The following DEAF1 variants were observed in gnomAD, a reference collection of about 807,000 sequenced individuals.
The protein encoded by DEAF1 is deformed epidermal autoregulatory factor 1 homolog.
In DEAF1, 53 loss-of-function variants were observed where a neutral mutation model predicts 58.9. The observed-to-expected ratio is 0.90, with a 90% CI of 0.72 to 1.13. The LOEUF (loss-of-function observed/expected upper bound fraction) is 1.13, where lower values mean the gene tolerates loss of function less well. Among genes scored for constraint, DEAF1 ranks in the 50% most tolerant of loss-of-function variants. DEAF1 has a pLI of 0.00. For synonymous variants in DEAF1, 385 were observed against 340.4 expected, an observed-to-expected ratio of 1.13 and a Z score of -1.44; for missense variants, 685 against 791.4, an observed-to-expected ratio of 0.87 and a Z score of 1.61.
At position 644,563 on chromosome 11, in the gene DEAF1, T is replaced by A; in HGVS notation, c.1685A>T (p.Lys562Met). 1 of 1,612,824 alleles carries A rather than the reference T, an allele frequency of 6.2e-7. No individual in the cohort carries two copies. The highest frequency in any genetic ancestry group is 8.5e-7 in the Non-Finnish European group (1 of 1,179,872). ...GCCGATGGAGCCTCACACGGTCACC[T>A]TCTCCATCACGCTTTCAGCCACGTG... Reference protein sequence around the residue: ...EVHVAESVMEKVTV With the variant: ...EVHVAESVMEMVTV Residue 562 changes from lysine to methionine, a missense_variant, in exon 12 of 12, where the codon AAG becomes ATG. Physicochemically the swap from Lys to Met is moderately conservative, Grantham distance 95 (BLOSUM62 -1). Coordinates refer to ENST00000382409, the MANE Select transcript of DEAF1 (RefSeq NM_021008.4). This position sits in a 1 kb window ranked among gnomAD's most constrained non-coding sequence, Gnocchi z 4.3.
chr11:674,779 C>A lies in DEAF1; in HGVS notation c.1260G>T (p.Leu420Phe). The change falls in exon 10 of 12, where the codon TTG (leucine) becomes TTT (phenylalanine). Residue 420 changes from leucine (L) to phenylalanine (F), a missense_variant. By Grantham distance (22) the Leu-to-Phe change is conservative (BLOSUM62 0). Transcript: ENST00000382409. ...GGACCGCCAGCGCAGGCAGGGATGT[C>A]AACACTAGAGCATTTGGAAAGCAAA... The part of the protein sequence containing the change: ...ALPTSHPKIV[L>F]TSLPALAVPP... The A allele has an allele frequency of 6.2e-7, 1 of 1,611,596 alleles. No homozygotes were observed. Among genetic ancestry groups the A allele is most frequent in the South Asian group, 1.1e-5 (1 of 91,072 alleles).
chr11:648,965 A>G (rs1858626834), intron 11 of DEAF1, among the ~76,000 whole-genome samples: 1 of 152,186 alleles, frequency 6.6e-6, no homozygotes, highest in South Asian at 2.1e-4. Flanking sequence ...TAAACATGAG[A>G]TTAGGTTTTG....
At chr11:695,858 C>T (rs1434751084), upstream of DEAF1, 6 of 1,228,074 alleles carry the variant, frequency 4.9e-6, no homozygotes, top group Non-Finnish European at 6.1e-6. Context: ...TGAGCTCGGG[C>T]GGGGTGGGGG....
At chr11:675,331 C>A (rs990976656) in intron 9 of DEAF1, among the ~76,000 whole-genome samples, 34 of 152,172 alleles carry the variant, frequency 2.2e-4, no homozygotes, top group African/African-American at 8.2e-4. Context: ...CCAGCCTGGG[C>A]AACATAGCAG....
intron 5 of DEAF1, among the ~76,000 whole-genome samples, chr11:686,127 TAAA>T (rs56327668): frequency 1.9e-3 from 256 of 138,374 alleles, no homozygotes; most frequent in Middle Eastern, 7.1e-3. Flanking sequence ...TACTGAAAAT[TAAA>T]AAAAAAAAAA....
chr11:703,611 C>T, intron 1 of DEAF1: 1 of 1,232,938 alleles, frequency 8.1e-7, no homozygotes. Flanking sequence ...CAGGCCCCAC[C>T]TGTGTTTCCA....
chr11:660,480 G>A (rs1392178264), intron 10 of DEAF1, among the ~76,000 whole-genome samples: 1 of 152,172 alleles, frequency 6.6e-6, no homozygotes, highest in Non-Finnish European at 1.5e-5. Context: ...ACCCCGTCCC[G>A]GGCACCTGGC....
upstream of DEAF1, chr11:699,207 CATTTT>C (rs1198435838): frequency 2.3e-6 from 1 of 440,190 alleles, no homozygotes; most frequent in African/African-American, 2.0e-5. Context: ...TCCCTAGATT[CATTTT>C]ATTTTATTTT....
Position 679,670 on chromosome 11 carries a change from G to A in DEAF1, c.1126+18C>T, listed in dbSNP as rs758104978. 22 of 1,609,972 alleles carry A rather than the reference G, an allele frequency of 1.4e-5. No individual in the cohort carries two copies. Among genetic ancestry groups the A allele is most frequent in the Non-Finnish European group, 1.7e-5 (20 of 1,180,028 alleles). ...GGATATGCTGAGGACGCGTCAGGCA[G>A]GCACTGGAGCAGCTCACCTGTGGCC... On this transcript the variant is annotated intron_variant, in intron 8 of 11. Coordinates refer to ENST00000382409, the MANE Select transcript of DEAF1 (RefSeq NM_021008.4).
chr11:691,721 G>T, intron 1 of DEAF1, 123 bp from the exon 2 acceptor site: 1 of 776,976 alleles, frequency 1.3e-6, no homozygotes, highest in South Asian at 1.5e-5. Context: ...TAACCAGGAA[G>T]ATCTTAACAC....
chr11:689,202 CTTTTTTTTTTTTTTTT>C lies in DEAF1; in HGVS notation c.388-758_388-743del, dbSNP rs34046317. ...AACAACTGTTTCTTTTTTTCTTTTT[CTTTTTTTTTTTTTTTT>C]TTTTTGAGACGGAGACTCGTTCTGT... On this transcript the variant is annotated intron_variant, in intron 2 of 11. Transcript: ENST00000382409. Among the ~76,000 whole-genome samples the C allele has an allele frequency of 2.1e-4, 20 of 94,170 alleles. No individual in the cohort carries two copies. In the East Asian group the frequency reaches 4.6e-3, roughly 22 times the overall value. 61.8% of individuals were successfully genotyped at this position (94,170 alleles called of 152,430 possible).
chr11:695,165 G>A lies in DEAF1; in HGVS notation c.-118C>T. 6.2e-6 allele frequency: 6 copies of A among 975,146 alleles called. No homozygotes were observed. The highest frequency in any genetic ancestry group is 4.0e-5 in the East Asian group (1 of 25,150). The allele number at this position is 975,146 out of a possible 1,614,324, so 60.4% of individuals were successfully genotyped here. A position where few individuals can be genotyped will look rare whatever the true frequency, so the allele number is the denominator to read the frequency against. On this transcript the variant is annotated 5_prime_UTR_variant, in exon 1 of 12. Coordinates refer to ENST00000382409, the MANE Select transcript of DEAF1 (RefSeq NM_021008.4). Reference sequence around the variant, plus strand: ...AGCTGGGCCGAGGCCGCCCGAAGCCGCCGCCCGAATAGGGACCGAAAAGGC... The same window carrying A: ...AGCTGGGCCGAGGCCGCCCGAAGCCACCGCCCGAATAGGGACCGAAAAGGC...
chr11:701,577 AT>A (rs1564962942), intron 1 of DEAF1, among the ~76,000 whole-genome samples: 1 of 151,624 alleles, frequency 6.6e-6, no homozygotes, highest in Non-Finnish European at 1.5e-5. Context: ...CGCCCGGCTC[AT>A]TTTTGTATTT....
At chr11:647,029 C>T (rs1279960892) in intron 11 of DEAF1, among the ~76,000 whole-genome samples, 2 of 151,994 alleles carry the variant, frequency 1.3e-5, no homozygotes, top group Admixed American at 6.6e-5. Flanking sequence ...TGTGGTGGCT[C>T]ATGCCTGTGG....
chr11:695,918 G>A (rs1861123067), upstream of DEAF1: 1 of 1,147,058 alleles, frequency 8.7e-7, no homozygotes, highest in Non-Finnish European at 1.1e-6. Flanking sequence ...GTGACAATCC[G>A]GTTTCCGCTT....
intron 11 of DEAF1, among the ~76,000 whole-genome samples, chr11:649,347 G>C (rs561874484): frequency 1.3e-5 from 2 of 152,032 alleles, no homozygotes; most frequent in Non-Finnish European, 2.9e-5. Context: ...GCTTGAACCC[G>C]GGAAGCGGAG....
rs150396519 is a variant in DEAF1, at chr11:673,565, G to A, written c.1503+971C>T. ...AAAAATAGAAAGTAGAAAAGAAATG[G>A]GGGAAAACGTTTCTTACATAGATTT... On this transcript the variant is annotated intron_variant, in intron 10 of 11. Transcript: ENST00000382409. Among the ~76,000 whole-genome samples, 47 of 152,216 alleles carry A rather than the reference G, an allele frequency of 3.1e-4. No homozygotes were observed. In the East Asian group the frequency reaches 4.8e-3, roughly 16 times the overall value.
intron 6 of DEAF1, among the ~76,000 whole-genome samples, chr11:684,052 C>G (rs1860482321): frequency 6.6e-6 from 1 of 151,916 alleles, no homozygotes; most frequent in African/African-American, 2.4e-5. Flanking sequence ...CACATGAAAT[C>G]TATATATCAA....
intron 9 of DEAF1, among the ~76,000 whole-genome samples, chr11:677,188 A>G (rs1036313013): frequency 1.3e-5 from 2 of 150,368 alleles, no homozygotes; most frequent in African/African-American, 4.9e-5. Context: ...CCGGTCTCAA[A>G]CTCCTGGCCT....
Sources: gnomAD v4.1 joint callset for allele counts (sites outside exome capture counted in the v4.1 genomes callset) on GRCh38, gnomAD v4.1.1 for gene constraint, Gnocchi (gnomAD v3.1) non-coding constraint, MANE v1.5 for transcripts, NCBI Gene and HGNC (gene_info 2026-07-23, HGNC 2026-07-21) for gene names.